ZPBP: variants seen among roughly 807,000 people sequenced by gnomAD.
ZPBP encodes the protein zona pellucida binding protein, also known as zona pellucida-binding protein 1.
In ZPBP, 26 loss-of-function variants were observed where a neutral mutation model predicts 44.8. The observed-to-expected ratio is 0.58, with a 90% CI of 0.43 to 0.81. ZPBP has a LOEUF of 0.81. ZPBP is among the 30% of genes least tolerant of loss of function. ZPBP has a pLI of 0.00. For synonymous variants in ZPBP, 174 were observed against 153.2 expected, an observed-to-expected ratio of 1.14 and a Z score of -1.00; for missense variants, 409 against 434.0, an observed-to-expected ratio of 0.94 and a Z score of 0.51.
At chr7:50,059,450 G>A (rs1207055769) in intron 3 of ZPBP, among the ~76,000 whole-genome samples, 1 of 152,092 alleles carries the variant, frequency 6.6e-6, no homozygotes, top group Non-Finnish European at 1.5e-5. Flanking sequence ...AATGTGATAT[G>A]AATTTAGAAT....
chr7:49,980,001 T>C (rs1357440493), intron 7 of ZPBP, among the ~76,000 whole-genome samples: 4 of 98,974 alleles, frequency 4.0e-5, no homozygotes, highest in Non-Finnish European at 7.2e-5. Flanking sequence ...TTATATTATA[T>C]ATTATATATA....
intron 3 of ZPBP, among the ~76,000 whole-genome samples, chr7:50,072,756 CA>C (rs1279258170): frequency 6.6e-6 from 1 of 152,222 alleles, no homozygotes; most frequent in Admixed American, 6.5e-5. Flanking sequence ...TGTGAATCTG[CA>C]AGAACCAAAG....
At chr7:49,992,628 T>A (rs1343630603) in intron 6 of ZPBP, among the ~76,000 whole-genome samples, 1 of 152,052 alleles carries the variant, frequency 6.6e-6, no homozygotes, top group East Asian at 1.9e-4. Flanking sequence ...CAAATTATAG[T>A]GAATAGAAAT....
chr7:49,958,111 T>C (rs1275721306), intron 7 of ZPBP, among the ~76,000 whole-genome samples: 1 of 152,214 alleles, frequency 6.6e-6, no homozygotes, highest in Non-Finnish European at 1.5e-5. Flanking sequence ...ATCCTCTGCC[T>C]GTTCCACCAT....
chr7:50,030,566 AGGGTGCCCT>A, intron 5 of ZPBP, among the ~76,000 whole-genome samples: 1 of 152,208 alleles, frequency 6.6e-6, no homozygotes, highest in South Asian at 2.1e-4. Context: ...TGAAAGGGGA[AGGGTGCCCT>A]ACTGTCACTC....
chr7:50,074,462 T>C (rs984116636), intron 3 of ZPBP, among the ~76,000 whole-genome samples: 4 of 151,796 alleles, frequency 2.6e-5, no homozygotes, highest in African/African-American at 9.7e-5. Flanking sequence ...CTAAATTCTC[T>C]AATAAAAAAT....
At chr7:49,931,951 C>A (rs980942934) in intron 1 of ZPBP, among the ~76,000 whole-genome samples, 1 of 152,242 alleles carries the variant, frequency 6.6e-6, no homozygotes, top group African/African-American at 2.4e-5. Flanking sequence ...GTCACTGCTT[C>A]AGAGGGAAGA....
intron 5 of ZPBP, among the ~76,000 whole-genome samples, chr7:50,025,283 C>G (rs4917003): frequency 0.25 from 37,633 of 151,644 alleles, 5,825 homozygotes; most frequent in Non-Finnish European, 0.36. Context: ...TATCTACAAA[C>G]TGATTCTAAA....
intron 7 of ZPBP, among the ~76,000 whole-genome samples, chr7:49,972,979 A>G (rs1204279893): frequency 6.6e-6 from 1 of 152,038 alleles, no homozygotes; most frequent in African/African-American, 2.4e-5. Flanking sequence ...CATGGGTAAA[A>G]GATTGTCTTT....
intron 2 of ZPBP, among the ~76,000 whole-genome samples, chr7:50,084,450 T>A (rs1426977661): frequency 6.6e-6 from 1 of 151,332 alleles, no homozygotes; most frequent in South Asian, 2.1e-4. Context: ...AGTGAATTAA[T>A]TAATACATGA....
intron 3 of ZPBP, among the ~76,000 whole-genome samples, chr7:50,071,457 G>A (rs112257436): frequency 2.6e-5 from 4 of 152,172 alleles, no homozygotes; most frequent in Non-Finnish European, 5.9e-5. Flanking sequence ...ACAAAACATA[G>A]GTGAGTCCTA....
At chr7:50,048,174 A>G (rs1288691989) in intron 4 of ZPBP, among the ~76,000 whole-genome samples, 1 of 152,196 alleles carries the variant, frequency 6.6e-6, no homozygotes, top group African/African-American at 2.4e-5. Context: ...ACTAAAGAAA[A>G]AAGGGACTTT....
At chr7:49,913,513 T>C (rs1793565725) in intron 1 of ZPBP, 2 of 152,182 alleles carry the variant, frequency 1.3e-5, no homozygotes, top group African/African-American at 2.4e-5. Context: ...TTAAAATATA[T>C]ATAATCATTA....
intron 5 of ZPBP, among the ~76,000 whole-genome samples, chr7:50,026,018 G>A (rs1241144410): frequency 6.6e-6 from 1 of 151,684 alleles, no homozygotes; most frequent in East Asian, 1.9e-4. Context: ...TAGGTTAAAA[G>A]TAAAGGGATG....
intron 4 of ZPBP, among the ~76,000 whole-genome samples, chr7:50,048,469 G>A (rs1800501773): frequency 6.6e-6 from 1 of 152,030 alleles, no homozygotes; most frequent in Non-Finnish European, 1.5e-5. Context: ...CATATACTAA[G>A]CCATAAACCT....
intron 2 of ZPBP, among the ~76,000 whole-genome samples, chr7:49,871,960 G>A (rs1177532130): frequency 1.1e-5 from 1 of 93,210 alleles, no homozygotes; most frequent in Admixed American, 1.1e-4. Flanking sequence ...CACACACACC[G>A]AGAAAGAGAG....
intron 1 of ZPBP, among the ~76,000 whole-genome samples, chr7:49,923,897 G>A (rs1220127977): frequency 6.6e-6 from 1 of 152,184 alleles, no homozygotes; most frequent in African/African-American, 2.4e-5. Flanking sequence ...GCCAAGGCAG[G>A]TGGATCACCT....
At chr7:49,950,378 T>A (rs1205182709) in intron 7 of ZPBP, among the ~76,000 whole-genome samples, 6 of 151,874 alleles carry the variant, frequency 4.0e-5, no homozygotes, top group Non-Finnish European at 7.4e-5. Context: ...CAAATTAATA[T>A]ATACATATGC....
intron 7 of ZPBP, among the ~76,000 whole-genome samples, chr7:49,979,421 G>A (rs1003805336): frequency 6.6e-6 from 1 of 151,926 alleles, no homozygotes; most frequent in Admixed American, 6.6e-5. Context: ...ATATTTTTGA[G>A]ATTCATGTTA....
Sources: gnomAD v4.1 joint callset for allele counts (sites outside exome capture counted in the v4.1 genomes callset) on GRCh38, gnomAD v4.1.1 for gene constraint, MANE v1.5 for transcripts, NCBI Gene and HGNC (gene_info 2026-07-23, HGNC 2026-07-21) for gene names.